Variants in VPS4A observed in about 807,000 individuals in gnomAD.
VPS4A encodes vacuolar protein sorting-associated protein 4A.
VPS4A carries 20 observed loss-of-function variants against 52.3 expected under a neutral mutation model. The ratio of observed to expected loss-of-function variants is 0.38; its 90% CI spans 0.27 to 0.56. VPS4A has a LOEUF of 0.56. VPS4A is among the 20% of genes least tolerant of loss of function. The pLI is 0.72. For missense variants in VPS4A, 419 were observed against 575.9 expected (o/e 0.73, Z 2.79); for synonymous variants, 293 against 227.7 (o/e 1.29, Z -2.58).
Position 69,320,557 on chromosome 16 carries a change from C to G in VPS4A, c.770-131C>G. ...AGATGTGGTTTAATCTCACTTGGGA[C>G]CCTGCCAGTGGTGGGTGGCACAGGG... On this transcript the variant is annotated intron_variant, in intron 7 of 10. Transcript: ENST00000254950. The surrounding 1 kb of genome is among the most constrained non-coding windows in gnomAD (Gnocchi z 4.2). 1 of 868,166 alleles carries G rather than the reference C, an allele frequency of 1.2e-6. No individual in the cohort carries two copies. The highest frequency in any genetic ancestry group is 1.8e-6 in the Non-Finnish European group (1 of 558,284). The allele number at this position is 868,166 out of a possible 1,614,324, so 53.8% of individuals were successfully genotyped here.
chr16:69,320,388 C>T lies in VPS4A; in HGVS notation c.769+99C>T, dbSNP rs1015077197. On this transcript the variant is annotated intron_variant, in intron 7 of 10. Coordinates refer to ENST00000254950, the MANE Select transcript of VPS4A (RefSeq NM_013245.3). This position sits in a 1 kb window ranked among gnomAD's most constrained non-coding sequence, Gnocchi z 4.2. ...GGCTGGATTTGGTTGTTCTCAGCCT[C>T]GGAGAGGCACTCCCCAGCTCCAGCC... is the stretch of plus-strand genomic sequence containing the variant. The T allele has an allele frequency of 1.9e-5, 28 of 1,512,904 alleles. No individual in the cohort carries two copies. The highest frequency in any genetic ancestry group is 1.5e-4 in the South Asian group (12 of 79,330). 93.7% of individuals were successfully genotyped at this position (1,512,904 alleles called of 1,614,324 possible).
chr16:69,322,277 G>A, intron 9 of VPS4A: 1 of 270,144 alleles, frequency 3.7e-6, no homozygotes, highest in Non-Finnish European at 6.9e-6. Context: ...ATGTGGGTGG[G>A]GGCACAGCTA....
intron 1 of VPS4A, among the ~76,000 whole-genome samples, chr16:69,314,589 G>C (rs948365844): frequency 6.6e-6 from 1 of 152,154 alleles, no homozygotes; most frequent in Admixed American, 6.5e-5. Context: ...AGAGGGAGCA[G>C]AGGCTTGAAA....
At position 69,324,330 on chromosome 16, in the gene VPS4A, T is replaced by C. The variant is rs907775197; in HGVS notation, c.*21T>C. 1 of 1,610,034 alleles carries C rather than the reference T, an allele frequency of 6.2e-7. No individual in the cohort carries two copies. Among genetic ancestry groups the C allele is most frequent in the African/African-American group, 1.3e-5 (1 of 75,012 alleles). Reference sequence around the variant, plus strand: ...GTTAAAAGCTGCTTCACTTGGGCAATGGTGAAGGTGGGAGGTTGATTGGGG... The same window carrying C: ...GTTAAAAGCTGCTTCACTTGGGCAACGGTGAAGGTGGGAGGTTGATTGGGG... On this transcript the variant is annotated 3_prime_UTR_variant, in exon 11 of 11. Transcript: ENST00000254950.
At position 69,326,389 on chromosome 16, in the gene VPS4A, C is replaced by T. The variant is rs983981318; in HGVS notation, c.*2080C>T. ...AAGTTCTTGGTTATGTGCCCTCAGCCACCAGGATATGAACCGTGTCTGCAG... is the reference window on the plus strand; with the variant it reads ...AAGTTCTTGGTTATGTGCCCTCAGCTACCAGGATATGAACCGTGTCTGCAG... On this transcript the variant is annotated 3_prime_UTR_variant, in exon 11 of 11. Coordinates refer to ENST00000254950, the MANE Select transcript of VPS4A (RefSeq NM_013245.3). 4 of 152,340 alleles carry T rather than the reference C, an allele frequency of 2.6e-5. No homozygotes were observed. In the East Asian group the frequency reaches 5.8e-4, roughly 22 times the overall value. The allele number at this position is 152,340 out of a possible 1,614,324, so 9.4% of individuals were successfully genotyped here.
chr16:69,322,123 C>A, intron 9 of VPS4A: 1 of 166,494 alleles, frequency 6.0e-6, no homozygotes, highest in Non-Finnish European at 1.3e-5. Context: ...AGTGGAAACC[C>A]CTGATAAACC....
chr16:69,311,889 C>T (rs1316463997), intron 1 of VPS4A, among the ~76,000 whole-genome samples: 1 of 152,248 alleles, frequency 6.6e-6, no homozygotes, highest in Admixed American at 6.5e-5. Flanking sequence ...CTCGCTCCCT[C>T]CTCTCCTGTC....
Position 69,320,421 on chromosome 16 carries a change from G to A in VPS4A, c.769+132G>A. On this transcript the variant is annotated intron_variant, in intron 7 of 10. Coordinates refer to ENST00000254950, the MANE Select transcript of VPS4A (RefSeq NM_013245.3). This position sits in a 1 kb window ranked among gnomAD's most constrained non-coding sequence, Gnocchi z 4.2. ...CACTCCCCAGCTCCAGCCCCTCAGG[G>A]CACGGGTGGACTTCAATTCCCAAGA... is the stretch of plus-strand genomic sequence containing the variant. 1.5e-6 allele frequency: 2 copies of A among 1,338,194 alleles called. No individual in the cohort carries two copies. The highest frequency in any genetic ancestry group is 2.4e-5 in the East Asian group (1 of 40,878). 82.9% of individuals were successfully genotyped at this position (1,338,194 alleles called of 1,614,324 possible).
rs1213659992 is a variant in VPS4A, at chr16:69,322,592, G to T, written c.1104G>T (p.Met368Ile). Residue 368 changes from methionine (M) to isoleucine (I), a missense_variant, in exon 10 of 11, where the codon ATG becomes ATT. Physicochemically the swap from Met to Ile is conservative, Grantham distance 10. Around this residue, in one of 3 missense-constraint regions of VPS4A, gnomAD observed 185 missense variants for 200.2 expected, o/e 0.92. Coordinates refer to ENST00000254950, the MANE Select transcript of VPS4A (RefSeq NM_013245.3). ...GCCCCTCTCGCACCAACCCCAGCATGATGATTGATGACCTCCTGACTCCAT... is the reference window on the plus strand; with the variant it reads ...GCCCCTCTCGCACCAACCCCAGCATTATGATTGATGACCTCCTGACTCCAT... ...VCGPSRTNPS[M>I]MIDDLLTPCS... 1 of 1,613,824 alleles carries T rather than the reference G, an allele frequency of 6.2e-7. No individual in the cohort carries two copies.
chr16:69,316,130 C>T lies in VPS4A; in HGVS notation c.133+11C>T, dbSNP rs367671253. ...TCCACGCTATCAAGTGTGAGTCACA[C>T]GAGGGGTCCTCAGGCTGCCGCACTC... On this transcript the variant is annotated intron_variant, in intron 2 of 10. Coordinates refer to ENST00000254950, the MANE Select transcript of VPS4A (RefSeq NM_013245.3). The T allele has an allele frequency of 4.9e-5, 79 of 1,612,966 alleles. No homozygotes were observed. Among genetic ancestry groups the T allele is most frequent in the Middle Eastern group, 1.6e-4 (1 of 6,082 alleles).
chr16:69,319,682 A>C, intron 6 of VPS4A, 139 bp downstream of exon 6: 1 of 1,185,228 alleles, frequency 8.4e-7, no homozygotes. Flanking sequence ...TCGCTAGCTT[A>C]TCGGCTGGGA....
At chr16:69,318,583 C>G in intron 3 of VPS4A, 67 bp from the exon 4 acceptor site, 2 of 1,540,522 alleles carry the variant, frequency 1.3e-6, no homozygotes, top group Admixed American at 2.0e-5. Context: ...GGAGCCTGGA[C>G]TTGCTGGGAG....
rs1965558519 is a variant in VPS4A, at chr16:69,324,497, C to T, written c.*188C>T. 2 of 620,768 alleles carry T rather than the reference C, an allele frequency of 3.2e-6. No individual in the cohort carries two copies. Among genetic ancestry groups the T allele is most frequent in the Non-Finnish European group, 2.9e-6 (1 of 349,724 alleles). The allele number at this position is 620,768 out of a possible 1,614,324, so 38.5% of individuals were successfully genotyped here. ...GCAGCCACAGAGACACTCCACTGCC[C>T]TGGGGCACACAGTGGACACTGCTCT... On this transcript the variant is annotated 3_prime_UTR_variant, in exon 11 of 11. Coordinates refer to ENST00000254950, the MANE Select transcript of VPS4A (RefSeq NM_013245.3).
intron 10 of VPS4A, among the ~76,000 whole-genome samples, chr16:69,323,991 T>C (rs543897246): frequency 1.1e-4 from 16 of 147,450 alleles, no homozygotes; most frequent in Middle Eastern, 3.4e-3. Context: ...AGGGGAGTTA[T>C]GAGATGATGG....
At position 69,326,863 on chromosome 16, in the gene VPS4A, C is replaced by CA. The variant is rs1383034004; in HGVS notation, c.*2554_*2555insA. On this transcript the variant is annotated 3_prime_UTR_variant, in exon 11 of 11. Transcript: ENST00000254950. Reference sequence around the variant, plus strand: ...AGCTCACAACGTTGACATGTATATGCGTTTTTTGTGAGTGCTTCCTGCTCA... The same window carrying CA: ...AGCTCACAACGTTGACATGTATATGCAGTTTTTTGTGAGTGCTTCCTGCTCA... The CA allele has an allele frequency of 6.6e-6, 1 of 151,848 alleles. No homozygotes were observed. The highest frequency in any genetic ancestry group is 1.5e-5 in the Non-Finnish European group (1 of 67,838). The allele number at this position is 151,848 out of a possible 1,614,324, so 9.4% of individuals were successfully genotyped here. A position where few individuals can be genotyped will look rare whatever the true frequency, so the allele number is the denominator to read the frequency against.
rs1965436071 is a variant in VPS4A, at chr16:69,316,288, G to A, written c.197G>A (p.Arg66Gln). Reference sequence around the variant, plus strand: ...GCCAAGTGCGTGCAGTACCTAGACCGGGCCGAGAAGCTGAAGGATTATTTA... The same window carrying A: ...GCCAAGTGCGTGCAGTACCTAGACCAGGCCGAGAAGCTGAAGGATTATTTA... ...IRAKCVQYLD[R>Q]AEKLKDYLRS... is the part of the protein sequence containing the mutation. Residue 66 changes from arginine (R) to glutamine (Q), a missense_variant, in exon 3 of 11, where the codon CGG becomes CAG. Coordinates refer to ENST00000254950, the MANE Select transcript of VPS4A (RefSeq NM_013245.3). 6.2e-7 allele frequency: 1 copy of A among 1,613,830 alleles called. No homozygotes were observed. Among genetic ancestry groups the A allele is most frequent in the Non-Finnish European group, 8.5e-7 (1 of 1,179,872 alleles).
chr16:69,313,088 C>G (rs1254497339), intron 1 of VPS4A, among the ~76,000 whole-genome samples: 1 of 151,994 alleles, frequency 6.6e-6, no homozygotes, highest in Non-Finnish European at 1.5e-5. Context: ...AAGTGATTCT[C>G]CTGCCTCAGC....
At chr16:69,315,761 C>G (rs1354262167) in intron 1 of VPS4A, among the ~76,000 whole-genome samples, 2 of 152,212 alleles carry the variant, frequency 1.3e-5, no homozygotes, top group African/African-American at 4.8e-5. Context: ...CAGGTTTCCA[C>G]TTGCTGAAAT....
In VPS4A at chr16:69,320,614, G is replaced by T; in HGVS notation, c.770-74G>T. ...TCAATTGCTGACACACAAAGCCCCC[G>T]GGGTCTGTCCCCAGGTTTCAACTGA... On this transcript the variant is annotated intron_variant, in intron 7 of 10. Transcript: ENST00000254950. This position sits in a 1 kb window ranked among gnomAD's most constrained non-coding sequence, Gnocchi z 4.2. 7.6e-7 allele frequency: 1 copy of T among 1,324,224 alleles called. No individual in the cohort carries two copies. Among genetic ancestry groups the T allele is most frequent in the South Asian group, 1.3e-5 (1 of 75,474 alleles). The allele number at this position is 1,324,224 out of a possible 1,614,324, so 82.0% of individuals were successfully genotyped here.
Sources: gnomAD v4.1 joint callset for allele counts (sites outside exome capture counted in the v4.1 genomes callset) on GRCh38, gnomAD v4.1.1 for gene constraint, gnomAD v4.1.1 regional missense constraint, Gnocchi (gnomAD v3.1) non-coding constraint, MANE v1.5 for transcripts, NCBI Gene and HGNC (gene_info 2026-07-23, HGNC 2026-07-21) for gene names.